Variants in ZCCHC2 observed in about 807,000 individuals in gnomAD.
The protein encoded by ZCCHC2 is zinc finger CCHC-type containing 2.
A neutral mutation model predicts 103.6 loss-of-function variants in ZCCHC2; 39 were observed. That is an observed-to-expected ratio of 0.38 (90% CI 0.29 to 0.49). The LOEUF is 0.49. ZCCHC2 is among the 20% of genes least tolerant of loss of function. The probability of loss-of-function intolerance (pLI) is 0.96; values close to 1 mark genes in which losing one functional copy is unlikely to be tolerated. For missense variants in ZCCHC2, 1,483 were observed against 1,491.0 expected, an observed-to-expected ratio of 0.99 and a Z score of 0.09; for synonymous variants, 687 against 608.9, an observed-to-expected ratio of 1.13 and a Z score of -1.89.
intron 11 of ZCCHC2, 92 bp downstream of exon 11, chr18:62,565,188 A>C (rs1457053373): frequency 3.2e-6 from 3 of 933,670 alleles, no homozygotes; most frequent in Non-Finnish European, 3.3e-6. Flanking sequence ...TGTTGTGTCA[A>C]ATCCTAATAC....
chr18:62,526,742 G>T (rs922090452), intron 1 of ZCCHC2: 3 of 152,034 alleles, frequency 2.0e-5, no homozygotes, highest in Admixed American at 2.0e-4. Context: ...GTCACGCAAC[G>T]CCCGGAGCTA....
chr18:62,531,598 A>G (rs1425434134), intron 1 of ZCCHC2, among the ~76,000 whole-genome samples: 1 of 152,096 alleles, frequency 6.6e-6, no homozygotes, highest in African/African-American at 2.4e-5. Context: ...AGAAGGAGAT[A>G]TATGTATTAT....
In ZCCHC2 at chr18:62,523,288, G is replaced by A. The variant is rs1483114671; in HGVS notation, c.-137G>A. 1.5e-6 allele frequency: 1 copy of A among 649,836 alleles called. No homozygotes were observed. Among genetic ancestry groups the A allele is most frequent in the Non-Finnish European group, 1.9e-6 (1 of 530,770 alleles). The allele number at this position is 649,836 out of a possible 1,614,324, so 40.3% of individuals were successfully genotyped here. A position where few individuals can be genotyped will look rare whatever the true frequency, so the allele number is the denominator to read the frequency against. On this transcript the variant is annotated 5_prime_UTR_variant, in exon 1 of 14. Transcript: ENST00000269499. ...CCGCCCCCCTCGCCGGCCGAGACCC[G>A]CCCCCGGCCCCGGCCCTCCCCCGGC...
chr18:62,545,678 T>A (rs1264223894), intron 4 of ZCCHC2, among the ~76,000 whole-genome samples: 1 of 152,218 alleles, frequency 6.6e-6, no homozygotes, highest in East Asian at 1.9e-4. Flanking sequence ...GCAAATATTT[T>A]AAAATTTATT....
chr18:62,576,475 T>A, intron 13 of ZCCHC2, 37 bp from the exon 14 acceptor site: 1 of 1,576,762 alleles, frequency 6.3e-7, no homozygotes, highest in Non-Finnish European at 8.7e-7. Flanking sequence ...GACGTTTGCT[T>A]GTAAGCGGTG....
At chr18:62,560,505 T>C in intron 7 of ZCCHC2, 82 bp from the exon 8 acceptor site, 1 of 1,121,888 alleles carries the variant, frequency 8.9e-7, no homozygotes, top group South Asian at 1.3e-5. Flanking sequence ...CCAGTGGTTA[T>C]GATCATACAA....
At chr18:62,571,871 A>C (rs1242562091) in intron 12 of ZCCHC2, among the ~76,000 whole-genome samples, 2 of 151,384 alleles carry the variant, frequency 1.3e-5, no homozygotes, top group East Asian at 1.9e-4. Flanking sequence ...TATGGTATAG[A>C]GTGTTGCTAC....
At position 62,550,425 on chromosome 18, in the gene ZCCHC2, G is replaced by T; in HGVS notation, c.1278G>T (p.Glu426Asp). Residue 426 changes from glutamate to aspartate, a missense_variant, in exon 5 of 14, where the codon GAG (glutamate) becomes GAT (aspartate). Glu to Asp is a conservative substitution (Grantham distance 45). Coordinates refer to ENST00000269499, the MANE Select transcript of ZCCHC2 (RefSeq NM_017742.6). ...TGAATCAGGGTTCCTTGAAAAGGGAGGAACGGCGACATCCTGACCTAGAGC... is the reference window on the plus strand; with the variant it reads ...TGAATCAGGGTTCCTTGAAAAGGGATGAACGGCGACATCCTGACCTAGAGC... ...RALNQGSLKR[E>D]ERRHPDLEPI... The T allele has an allele frequency of 6.2e-7, 1 of 1,613,724 alleles. No homozygotes were observed. The highest frequency in any genetic ancestry group is 8.5e-7 in the Non-Finnish European group (1 of 1,179,810).
At chr18:62,568,794 A>G (rs189374029) in intron 11 of ZCCHC2, among the ~76,000 whole-genome samples, 44 of 152,278 alleles carry the variant, frequency 2.9e-4, no homozygotes, top group African/African-American at 8.9e-4. Flanking sequence ...TGCTGGTTGA[A>G]ATATTTATAT....
chr18:62,567,126 TATTG>T (rs1486812660), intron 11 of ZCCHC2, among the ~76,000 whole-genome samples: 1 of 152,234 alleles, frequency 6.6e-6, no homozygotes, highest in South Asian at 2.1e-4. Context: ...CAGCTTGTCT[TATTG>T]ATATCAAGTG....
At chr18:62,526,548 C>T (rs1050869083) in intron 1 of ZCCHC2, among the ~76,000 whole-genome samples, 1 of 152,182 alleles carries the variant, frequency 6.6e-6, no homozygotes, top group Non-Finnish European at 1.5e-5. Context: ...CTCCAGAGGC[C>T]GCTGATGTGG....
chr18:62,578,812 G>A (rs577387842), downstream of ZCCHC2, among the ~76,000 whole-genome samples: 370 of 152,298 alleles, frequency 2.4e-3, 1 homozygote, highest in Middle Eastern at 0.014. Flanking sequence ...TGTCGCCCAG[G>A]TTGGAGTGCA....
intron 2 of ZCCHC2, among the ~76,000 whole-genome samples, chr18:62,542,026 C>T (rs964008241): frequency 2.6e-5 from 4 of 151,744 alleles, no homozygotes; most frequent in African/African-American, 7.3e-5. Flanking sequence ...TGGTATATTA[C>T]TTTTGAGTAG....
intron 11 of ZCCHC2, among the ~76,000 whole-genome samples, chr18:62,568,292 CAGTTTGTGTGTCTTTTTAAA>C (rs1211813043): frequency 6.6e-6 from 1 of 152,050 alleles, no homozygotes; most frequent in East Asian, 1.9e-4. Flanking sequence ...ATGACAAATT[CAGTTTGTGTGTCTTTTTAAA>C]AGGGCAATTT....
chr18:62,578,523 T>C lies in ZCCHC2; in HGVS notation c.*1944T>C, dbSNP rs879413374. 10 of 152,648 alleles carry C rather than the reference T, an allele frequency of 6.6e-5. No individual in the cohort carries two copies. The highest frequency in any genetic ancestry group is 1.3e-4 in the Non-Finnish European group (9 of 68,042). The allele number at this position is 152,648 out of a possible 1,614,324, so 9.5% of individuals were successfully genotyped here. ...AGGCCACTTATATTTCTAGAACAGATTGGATTTTATGCAACCTTTTTTCCT... is the reference window on the plus strand; with the variant it reads ...AGGCCACTTATATTTCTAGAACAGACTGGATTTTATGCAACCTTTTTTCCT... On this transcript the variant is annotated 3_prime_UTR_variant, in exon 14 of 14. Transcript: ENST00000269499.
chr18:62,562,395 T>C (rs1916158141), intron 8 of ZCCHC2, among the ~76,000 whole-genome samples: 1 of 152,212 alleles, frequency 6.6e-6, no homozygotes, highest in African/African-American at 2.4e-5. Flanking sequence ...TCTTCATTGA[T>C]TTTCTTCATC....
In ZCCHC2 at chr18:62,577,706, T is replaced by C. The variant is rs1916905372; in HGVS notation, c.*1127T>C. On this transcript the variant is annotated 3_prime_UTR_variant, in exon 14 of 14. Coordinates refer to ENST00000269499, the MANE Select transcript of ZCCHC2 (RefSeq NM_017742.6). ...GAATTCTGAGTGTGTTAAGATGGTA[T>C]TAATCATGTCGGTGTCATGTCACTA... 2.0e-5 allele frequency: 3 copies of C among 152,522 alleles called. No individual in the cohort carries two copies. The South Asian group carries it at 6.2e-4, about 32-fold the overall frequency. 9.4% of individuals were successfully genotyped at this position (152,522 alleles called of 1,614,324 possible).
In ZCCHC2 at chr18:62,523,699, T is replaced by C; in HGVS notation, c.275T>C (p.Leu92Pro). ...GGCGGCGGGGGGCCCTCGGCGGCGC[T>C]GCGCGAGCAGGAGCGGGTATACGAG... ...PGGGGGPSAA[L>P]REQERVYEWF... Residue 92 changes from leucine to proline, a missense_variant, in exon 1 of 14, where the codon CTG (leucine) becomes CCG (proline). By Grantham distance (98) the Leu-to-Pro change is moderately conservative. Coordinates refer to ENST00000269499, the MANE Select transcript of ZCCHC2 (RefSeq NM_017742.6). 3 of 1,421,372 alleles carry C rather than the reference T, an allele frequency of 2.1e-6. No homozygotes were observed. Among genetic ancestry groups the C allele is most frequent in the South Asian group, 1.4e-5 (1 of 69,066 alleles). 88.0% of individuals were successfully genotyped at this position (1,421,372 alleles called of 1,614,324 possible). A position where few individuals can be genotyped will look rare whatever the true frequency, so the allele number is the denominator to read the frequency against.
chr18:62,570,686 A>G (rs918919569), intron 12 of ZCCHC2, among the ~76,000 whole-genome samples: 4 of 152,192 alleles, frequency 2.6e-5, no homozygotes, highest in African/African-American at 9.6e-5. Flanking sequence ...CTGCTTGCAC[A>G]GTATTTTGTT....
Sources: gnomAD v4.1 joint callset for allele counts (sites outside exome capture counted in the v4.1 genomes callset) on GRCh38, gnomAD v4.1.1 for gene constraint, MANE v1.5 for transcripts, NCBI Gene and HGNC (gene_info 2026-07-23, HGNC 2026-07-21) for gene names.